The following FBXO34 variants were observed in gnomAD, a reference collection of about 807,000 sequenced individuals.
FBXO34 encodes F-box only protein 34.
Under a neutral mutation model 24.5 loss-of-function variants are expected in FBXO34, and 12 were observed. The observed-to-expected ratio is 0.49, with a 90% CI of 0.31 to 0.79. The LOEUF (loss-of-function observed/expected upper bound fraction) is 0.79. FBXO34 is among the 30% of genes least tolerant of loss of function. The pLI is 0.04. For synonymous variants in FBXO34, 320 were observed against 311.9 expected (o/e 1.03, Z -0.27); for missense variants, 823 against 857.7 (o/e 0.96, Z 0.51).
At chr14:55,295,982 T>C (rs1038863765) in intron 1 of FBXO34, among the ~76,000 whole-genome samples, 18 of 152,306 alleles carry the variant, frequency 1.2e-4, no homozygotes, top group African/African-American at 4.3e-4. Context: ...GAAGCAGTAA[T>C]GTTATGTTAA....
At chr14:55,402,950 TATATATATATATATATATAA>T in the FBXO34 span, among the ~76,000 whole-genome samples, 1,766 of 63,642 alleles carry the variant, frequency 0.028, 66 homozygotes, top group Non-Finnish European at 0.041. Flanking sequence ...TATATATATA[TATATATATATATATATATAA>T]ATAGCTGGGC....
the FBXO34 span, among the ~76,000 whole-genome samples, chr14:55,424,576 T>C: frequency 3.4e-4 from 52 of 152,344 alleles, no homozygotes; most frequent in African/African-American, 1.1e-3. Flanking sequence ...TTCAAAAAAG[T>C]CTGTTAATAA....
At chr14:55,395,114 C>G in the FBXO34 span, 1 of 473,502 alleles carries the variant, frequency 2.1e-6, no homozygotes, top group African/African-American at 2.0e-5. Flanking sequence ...TCCTTTCCTG[C>G]TGCTTTCTCA....
chr14:55,334,013 G>T (rs1594757404), intron 1 of FBXO34, among the ~76,000 whole-genome samples: 1 of 152,126 alleles, frequency 6.6e-6, no homozygotes, highest in Non-Finnish European at 1.5e-5. Context: ...TTGTGGAAGT[G>T]TTTGTTTACA....
chr14:55,396,575 G>A, the FBXO34 span, among the ~76,000 whole-genome samples: 1 of 152,100 alleles, frequency 6.6e-6, no homozygotes, highest in Non-Finnish European at 1.5e-5. Flanking sequence ...TGTTTTCATC[G>A]GGGGTGTGAG....
chr14:55,382,180 T>A, the FBXO34 span: 1 of 1,614,160 alleles, frequency 6.2e-7, no homozygotes, highest in Non-Finnish European at 8.5e-7. Flanking sequence ...TGAAGACACA[T>A]CTGCGGGGTC....
chr14:55,376,570 G>C, the FBXO34 span, among the ~76,000 whole-genome samples: 3 of 152,132 alleles, frequency 2.0e-5, no homozygotes, highest in African/African-American at 7.2e-5. Context: ...AGGTGGGGAG[G>C]GGGAGGAAGC....
At chr14:55,432,012 A>G in the FBXO34 span, among the ~76,000 whole-genome samples, 1 of 152,242 alleles carries the variant, frequency 6.6e-6, no homozygotes, top group Admixed American at 6.5e-5. Context: ...CAATATTTGT[A>G]TAATACTGTG....
chr14:55,370,645 C>CTT (rs1019390150), downstream of FBXO34, among the ~76,000 whole-genome samples: 2 of 146,600 alleles, frequency 1.4e-5, no homozygotes, highest in Non-Finnish European at 3.0e-5. Context: ...TTCTGCATTT[C>CTT]TTTTTTTTTT....
At chr14:55,280,526 A>AATT (rs201409175) in intron 1 of FBXO34, among the ~76,000 whole-genome samples, 5 of 95,896 alleles carry the variant, frequency 5.2e-5, no homozygotes, top group South Asian at 2.9e-4. Flanking sequence ...TATATCAGGA[A>AATT]CTTTTTTTTT....
At chr14:55,302,810 TTTC>T (rs1882409958) in intron 1 of FBXO34, among the ~76,000 whole-genome samples, 1 of 152,222 alleles carries the variant, frequency 6.6e-6, no homozygotes, top group South Asian at 2.1e-4. Context: ...GAAATTCTGT[TTTC>T]TTCTTTGGAA....
At chr14:55,425,328 G>A in the FBXO34 span, among the ~76,000 whole-genome samples, 1 of 152,130 alleles carries the variant, frequency 6.6e-6, no homozygotes, top group Non-Finnish European at 1.5e-5. Flanking sequence ...AAACCCTCCA[G>A]GGCTATGAGA....
intron 1 of FBXO34, among the ~76,000 whole-genome samples, chr14:55,347,747 C>G (rs980805920): frequency 6.6e-6 from 1 of 152,202 alleles, no homozygotes; most frequent in Non-Finnish European, 1.5e-5. Flanking sequence ...ACATTAGTTT[C>G]TTTTTAATGT....
the FBXO34 span, among the ~76,000 whole-genome samples, chr14:55,403,242 C>T: frequency 6.6e-6 from 1 of 151,950 alleles, no homozygotes; most frequent in Non-Finnish European, 1.5e-5. Context: ...AGATGCTTAG[C>T]ACACACATAT....
chr14:55,385,707 C>G, the FBXO34 span: 6 of 739,402 alleles, frequency 8.1e-6, no homozygotes, highest in Admixed American at 5.8e-5. Context: ...TTCTGCGGTG[C>G]GTACTGTTTG....
the FBXO34 span, among the ~76,000 whole-genome samples, chr14:55,430,265 G>C: frequency 2.6e-5 from 4 of 152,066 alleles, no homozygotes; most frequent in African/African-American, 9.7e-5. Flanking sequence ...AAGCCAGTTT[G>C]AACTTGTTTG....
At chr14:55,336,868 G>GCACACACACA (rs3051328) in intron 1 of FBXO34, among the ~76,000 whole-genome samples, 1,885 of 144,248 alleles carry the variant, frequency 0.013, 46 homozygotes, top group African/African-American at 0.045. Flanking sequence ...ATACATGCAC[G>GCACACACACA]CACACACACA....
At position 55,350,919 on chromosome 14, in the gene FBXO34, C is replaced by T; in HGVS notation, c.529C>T (p.Pro177Ser). ...MREVNSRCYQPEPFACGIEHC... is the reference protein window; with the variant it reads ...MREVNSRCYQSEPFACGIEHC... The stretch of plus-strand genomic sequence containing the variant: ...GGAGGTTAACAGCAGGTGCTACCAA[C>T]CTGAGCCTTTTGCATGTGGCATTGA... The change falls in exon 2 of 2, where the codon CCT (proline) becomes TCT (serine). Residue 177 changes from proline (P) to serine (S), a missense_variant. This residue lies in a region of FBXO34 where 693 missense variants were observed against 659.1 expected (regional missense o/e 1.05). Coordinates refer to ENST00000313833, the MANE Select transcript of FBXO34 (RefSeq NM_017943.4). The T allele has an allele frequency of 6.2e-7, 1 of 1,613,810 alleles. No homozygotes were observed. The highest frequency in any genetic ancestry group is 1.1e-5 in the South Asian group (1 of 91,020).
At chr14:55,294,985 T>C (rs1882071131) in intron 1 of FBXO34, among the ~76,000 whole-genome samples, 1 of 152,238 alleles carries the variant, frequency 6.6e-6, no homozygotes, top group African/African-American at 2.4e-5. Context: ...TAGTCAACAG[T>C]TGGATAAAAT....
Sources: gnomAD v4.1 joint callset for allele counts (sites outside exome capture counted in the v4.1 genomes callset) on GRCh38, gnomAD v4.1.1 for gene constraint, gnomAD v4.1.1 regional missense constraint, MANE v1.5 for transcripts, NCBI Gene and HGNC (gene_info 2026-07-23, HGNC 2026-07-21) for gene names.